The following EFCAB6 variants were observed in gnomAD, a reference collection of about 807,000 sequenced individuals.
EFCAB6 encodes EF-hand calcium-binding domain-containing protein 6.
Under a neutral mutation model 169.8 loss-of-function variants are expected in EFCAB6, and 156 were observed. The observed-to-expected ratio is 0.92, with a 90% CI of 0.81 to 1.05. EFCAB6 has a LOEUF of 1.05. Ranked by LOEUF, EFCAB6 falls within the 50% of genes least tolerant of loss-of-function variation. The pLI is 0.00. For synonymous variants in EFCAB6, 698 were observed against 676.4 expected (o/e 1.03, Z -0.50); for missense variants, 1,800 against 1,829.1 (o/e 0.98, Z 0.29).
At chr22:43,717,729 C>A (rs1438054182) in intron 8 of EFCAB6, among the ~76,000 whole-genome samples, 1 of 151,988 alleles carries the variant, frequency 6.6e-6, no homozygotes, top group African/African-American at 2.4e-5. Flanking sequence ...CTTGAATATG[C>A]TTAAATCCTT....
chr22:43,641,184 C>T (rs137739), intron 17 of EFCAB6, among the ~76,000 whole-genome samples: 18 of 152,100 alleles, frequency 1.2e-4, no homozygotes, highest in African/African-American at 4.3e-4. Context: ...TGTCAACATA[C>T]GGAACAGCTG....
At chr22:43,599,402 C>T (rs2052311249) in intron 23 of EFCAB6, among the ~76,000 whole-genome samples, 2 of 150,952 alleles carry the variant, frequency 1.3e-5, no homozygotes, top group African/African-American at 4.9e-5. Flanking sequence ...CCCAGCTACT[C>T]AGGAGCCTGA....
intron 19 of EFCAB6, among the ~76,000 whole-genome samples, chr22:43,630,294 G>A (rs1457707359): frequency 6.6e-6 from 1 of 152,160 alleles, no homozygotes; most frequent in Non-Finnish European, 1.5e-5. Context: ...GGCAATTAGG[G>A]GTTCACTCCT....
intron 7 of EFCAB6, among the ~76,000 whole-genome samples, chr22:43,734,802 A>C (rs563693690): frequency 6.6e-6 from 1 of 152,238 alleles, no homozygotes; most frequent in East Asian, 1.9e-4. Context: ...CCTGCTTTTC[A>C]GGCCCTGCAG....
chr22:43,782,443 G>A (rs541013568), intron 2 of EFCAB6, 118 bp from the exon 3 acceptor site: 2 of 816,756 alleles, frequency 2.4e-6, no homozygotes, highest in South Asian at 3.9e-5. Flanking sequence ...AATGATGCTA[G>A]TCATAATCTG....
intron 8 of EFCAB6, among the ~76,000 whole-genome samples, chr22:43,727,077 G>A (rs2059763144): frequency 1.3e-5 from 2 of 152,138 alleles, no homozygotes; most frequent in African/African-American, 4.8e-5. Flanking sequence ...TGAAAAAAAA[G>A]TTTTAAAACC....
chr22:43,678,155 A>G lies in EFCAB6; in HGVS notation c.1260T>C (p.Asp420=), dbSNP rs1487819601. The change falls in exon 13 of 32, where the codon GAT becomes GAC. Residue 420 remains aspartate, a synonymous_variant. Transcript: ENST00000262726. ...GAAATTCTTCTCTTGTTATCGGTCC[A>G]TCGGGTTTCTGAGCATCAGAGTGTA... The part of the protein sequence containing the change: ...KALLIINTKP[D]GPITREEFRY... 3.7e-6 allele frequency: 6 copies of G among 1,606,744 alleles called. No homozygotes were observed. The South Asian group carries it at 4.4e-5, about 12-fold the overall frequency.
chr22:43,783,731 A>C (rs1015576804), intron 2 of EFCAB6, among the ~76,000 whole-genome samples: 1 of 152,306 alleles, frequency 6.6e-6, no homozygotes, highest in Admixed American at 6.5e-5. Flanking sequence ...AGGGATGAGA[A>C]TATGATTTCC....
At chr22:43,676,164 T>C (rs2057747051) in intron 13 of EFCAB6, among the ~76,000 whole-genome samples, 1 of 151,998 alleles carries the variant, frequency 6.6e-6, no homozygotes, top group Non-Finnish European at 1.5e-5. Flanking sequence ...AAGCCTGTAA[T>C]CCCAGCACCT....
chr22:43,782,667 T>C (rs761609896), intron 2 of EFCAB6, among the ~76,000 whole-genome samples: 12 of 152,140 alleles, frequency 7.9e-5, no homozygotes, highest in Non-Finnish European at 7.3e-5. Flanking sequence ...TTGAAGTGCC[T>C]CAGTATAAAT....
At position 43,637,623 on chromosome 22, in the gene EFCAB6, G is replaced by A. The variant is rs539955753; in HGVS notation, c.1984-2407C>T. ...CAGTGCTGCCCAAGGAGACCGAGGC[G>A]GGTGGCAACGCAGGAGTACAAGGCT... On this transcript the variant is annotated intron_variant, in intron 17 of 31. Transcript: ENST00000262726. 2.6e-3 allele frequency among the ~76,000 whole-genome samples: 395 copies of A among 152,300 alleles called. 1 individual carries two copies. Among genetic ancestry groups the A allele is most frequent in the Middle Eastern group, 0.014 (4 of 294 alleles).
chr22:43,540,589 A>G, intron 27 of EFCAB6: 1 of 1,463,510 alleles, frequency 6.8e-7, no homozygotes, highest in Non-Finnish European at 9.0e-7. Context: ...TCTGCAGGAC[A>G]TTTTTTAATT....
intron 17 of EFCAB6, 114 bp from the exon 18 acceptor site, chr22:43,635,330 G>T (rs1304744077): frequency 3.9e-6 from 3 of 778,554 alleles, no homozygotes; most frequent in East Asian, 2.6e-5. Flanking sequence ...ATTGTTATTT[G>T]TCTGACCCCA....
intron 26 of EFCAB6, among the ~76,000 whole-genome samples, chr22:43,561,412 C>T (rs948308195): frequency 2.6e-5 from 4 of 151,532 alleles, no homozygotes; most frequent in Non-Finnish European, 4.4e-5. Flanking sequence ...CAAAAAGGCA[C>T]AAAGGAAAAA....
At chr22:43,627,607 C>T (rs1391501768) in intron 19 of EFCAB6, among the ~76,000 whole-genome samples, 2 of 152,200 alleles carry the variant, frequency 1.3e-5, no homozygotes, top group Non-Finnish European at 2.9e-5. Context: ...GGGGCCAATG[C>T]CTGTTTCCCA....
In EFCAB6 at chr22:43,774,795, G is replaced by C. The variant is rs919444173; in HGVS notation, c.140-1692C>G. ...TGGCCAGCCTGGGCAAAAGGGGGAT[G>C]GGGGTGGGGACAAGCAGAGCTGCAT... On this transcript the variant is annotated intron_variant, in intron 3 of 31. Transcript: ENST00000262726. 4.0e-5 allele frequency among the ~76,000 whole-genome samples: 6 copies of C among 151,808 alleles called. No individual in the cohort carries two copies. In the East Asian group the frequency reaches 1.2e-3, roughly 30 times the overall value.
intron 11 of EFCAB6, among the ~76,000 whole-genome samples, chr22:43,684,305 C>G (rs1277544823): frequency 6.6e-6 from 1 of 152,176 alleles, no homozygotes; most frequent in Non-Finnish European, 1.5e-5. Context: ...CAGCCTCTCC[C>G]TTTCTGTTGA....
intron 6 of EFCAB6, among the ~76,000 whole-genome samples, chr22:43,737,722 CAT>C (rs201590796): frequency 1.1e-3 from 159 of 150,356 alleles, no homozygotes; most frequent in African/African-American, 3.7e-3. Flanking sequence ...ATCACTCACA[CAT>C]ATATTCACAC....
chr22:43,784,249 T>C (rs961385526), intron 2 of EFCAB6, among the ~76,000 whole-genome samples: 2 of 151,912 alleles, frequency 1.3e-5, no homozygotes, highest in African/African-American at 4.8e-5. Context: ...CTCAATGAAA[T>C]TACTCTTCAA....
Sources: gnomAD v4.1 joint callset for allele counts (sites outside exome capture counted in the v4.1 genomes callset) on GRCh38, gnomAD v4.1.1 for gene constraint, MANE v1.5 for transcripts, NCBI Gene and HGNC (gene_info 2026-07-23, HGNC 2026-07-21) for gene names.